SETX: variants seen among roughly 807,000 people sequenced by gnomAD.
SETX encodes helicase senataxin.
A neutral mutation model predicts 227.2 loss-of-function variants in SETX; 90 were observed. The ratio of observed to expected loss-of-function variants is 0.40; its 90% CI spans 0.33 to 0.47. SETX has a LOEUF of 0.47. Among genes scored for constraint, SETX ranks in the 20% least tolerant of loss-of-function variants. The probability of loss-of-function intolerance (pLI) is 0.91; values close to 1 mark genes in which losing one functional copy is unlikely to be tolerated. For synonymous variants in SETX, 1,210 were observed against 1,113.2 expected (o/e 1.09, Z -1.73); for missense variants, 3,052 against 3,181.5 (o/e 0.96, Z 0.98).
chr9:132,273,491 C>T (rs1474307722), intron 23 of SETX, among the ~76,000 whole-genome samples: 1 of 152,196 alleles, frequency 6.6e-6, no homozygotes, highest in Admixed American at 6.5e-5. Flanking sequence ...TTCCTTTCAA[C>T]AACGTTTTGC....
chr9:132,316,200 C>T (rs1218714019), intron 10 of SETX, among the ~76,000 whole-genome samples: 1 of 152,186 alleles, frequency 6.6e-6, no homozygotes, highest in Non-Finnish European at 1.5e-5. Context: ...TTTTGCTCAC[C>T]TGTTATTTTA....
Position 132,300,822 on chromosome 9 carries a change from T to C in SETX, c.5375-19A>G, listed in dbSNP as rs753849812. 3.1e-6 allele frequency: 5 copies of C among 1,604,432 alleles called. No homozygotes were observed. The African/African-American group carries it at 6.7e-5, about 22-fold the overall frequency. On this transcript the variant is annotated intron_variant, in intron 11 of 25. Transcript: ENST00000224140. ...AGATAAACTATGAAACAAGAAGAAG[T>C]CGGAATTCATATAACTCTAATAGAA...
intron 25 of SETX, among the ~76,000 whole-genome samples, chr9:132,267,685 A>G (rs1842713464): frequency 6.6e-6 from 1 of 152,246 alleles, no homozygotes; most frequent in African/African-American, 2.4e-5. Context: ...TGTCGGTGCC[A>G]TTAGCTGGAG....
intron 15 of SETX, among the ~76,000 whole-genome samples, chr9:132,289,618 AT>A (rs1844164047): frequency 1.3e-5 from 2 of 152,304 alleles, no homozygotes; most frequent in African/African-American, 4.8e-5. Context: ...TTATATATTA[AT>A]ATGTAATTTT....
intron 10 of SETX, among the ~76,000 whole-genome samples, chr9:132,317,354 A>C (rs1454484218): frequency 6.6e-6 from 1 of 152,130 alleles, no homozygotes; most frequent in African/African-American, 2.4e-5. Flanking sequence ...TCCTCCAATT[A>C]TTTCATTGCT....
rs111270361 is a variant in SETX, at chr9:132,326,654, T to C, written c.4944A>G (p.Pro1648=). Residue 1648 remains proline (P), a synonymous_variant, in exon 10 of 26, where the codon CCA becomes CCG. Transcript: ENST00000224140. The stretch of plus-strand genomic sequence containing the variant: ...TGCACGAATTCTTCATTTCACCAAC[T>C]GGCTTCTGAGCTATGAGGGGAACTG... ...PQPVPLIAQK[P]VGEMKNSCNV... 2 of 1,614,092 alleles carry C rather than the reference T, an allele frequency of 1.2e-6. No individual in the cohort carries two copies. Among genetic ancestry groups the C allele is most frequent in the Admixed American group, 3.3e-5 (2 of 60,020 alleles).
At chr9:132,265,033 G>A (rs752044919) in intron 25 of SETX, 48 bp from the exon 26 acceptor site, 26 of 1,595,958 alleles carry the variant, frequency 1.6e-5, no homozygotes, top group Non-Finnish European at 2.0e-5. Context: ...AAGAGACACT[G>A]CTTGGGAAGC....
In SETX at chr9:132,323,656, C is replaced by CT. The variant is rs1254106485; in HGVS notation, c.5274+2667dup. Among the ~76,000 whole-genome samples the CT allele has an allele frequency of 3.9e-5, 6 of 152,280 alleles. No homozygotes were observed. In the South Asian group the frequency reaches 1.2e-3, roughly 32 times the overall value. On this transcript the variant is annotated intron_variant, in intron 10 of 25. Transcript: ENST00000224140. ...ATGGCTCACGCCTGTAATCGTAGCA[C>CT]TTTGAGAGGCAAAGGCAGGTGGATC...
chr9:132,333,749 C>T (rs1589755375), intron 7 of SETX, among the ~76,000 whole-genome samples: 2 of 152,178 alleles, frequency 1.3e-5, no homozygotes, highest in East Asian at 3.9e-4. Flanking sequence ...ATTATCTAGA[C>T]TATCTGGAGC....
At chr9:132,314,641 C>G (rs993240555) in intron 10 of SETX, among the ~76,000 whole-genome samples, 3 of 152,152 alleles carry the variant, frequency 2.0e-5, no homozygotes, top group Admixed American at 6.5e-5. Flanking sequence ...CGACAGATAT[C>G]CAGTTAGGCC....
At chr9:132,274,726 G>T (rs1426519747) in intron 23 of SETX, among the ~76,000 whole-genome samples, 2 of 152,014 alleles carry the variant, frequency 1.3e-5, no homozygotes, top group Non-Finnish European at 2.9e-5. Context: ...GATTACAGGT[G>T]TGAGCCACCA....
chr9:132,305,418 T>C (rs7036349), intron 11 of SETX, among the ~76,000 whole-genome samples: 1 of 147,824 alleles, frequency 6.8e-6, no homozygotes, highest in Non-Finnish European at 1.5e-5. Context: ...TTAAAAAAAA[T>C]TTTTTTTTAA....
chr9:132,342,793 A>G lies in SETX; in HGVS notation c.395T>C (p.Leu132Ser). ...CATCCGACAAAGTGCTTCAACACAT[A>G]ACTCGTCTAAAAAGAAAAAAATAAG... ...YLLLHERVNE[L>S]CVEALCRMEQ... Residue 132 changes from leucine to serine, a missense_variant, in exon 5 of 26, where the codon TTA (leucine) becomes TCA (serine). Leu to Ser is a moderately radical substitution (Grantham distance 145). Around this residue, in one of 10 missense-constraint regions of SETX, gnomAD observed 10 missense variants for 31.4 expected, o/e 0.32. Transcript: ENST00000224140. 1 of 1,612,188 alleles carries G rather than the reference A, an allele frequency of 6.2e-7. No homozygotes were observed. Among genetic ancestry groups the G allele is most frequent in the Non-Finnish European group, 8.5e-7 (1 of 1,178,582 alleles).
upstream of SETX, chr9:132,355,042 C>T (rs890602239): frequency 6.6e-6 from 1 of 152,244 alleles, no homozygotes; most frequent in Admixed American, 6.5e-5. Context: ...GGCCCCGCCC[C>T]CGCGCTGAGT....
At chr9:132,269,569 C>T (rs1842798474) in intron 25 of SETX, 46 bp downstream of exon 25, 1 of 1,611,496 alleles carries the variant, frequency 6.2e-7, no homozygotes, top group Non-Finnish European at 8.5e-7. Flanking sequence ...AAACTCAATC[C>T]AACAACAGTA....
chr9:132,331,194 G>T (rs1252947997), intron 8 of SETX, 55 bp from the exon 9 acceptor site: 8 of 1,606,400 alleles, frequency 5.0e-6, no homozygotes, highest in Admixed American at 1.7e-5. Flanking sequence ...AAAAAAGGAA[G>T]AAACACCTCT....
chr9:132,321,005 T>G lies in SETX; in HGVS notation c.5274+5319A>C, dbSNP rs190088456. On this transcript the variant is annotated intron_variant, in intron 10 of 25. Transcript: ENST00000224140. ...GCAAAAAATGACAAGAGATTTTGTC[T>G]CTAGAGAGGATAAGCAGTCTCTGAC... Among the ~76,000 whole-genome samples, 3 of 151,898 alleles carry G rather than the reference T, an allele frequency of 2.0e-5. No individual in the cohort carries two copies. The East Asian group carries it at 5.8e-4, about 29-fold the overall frequency.
rs1338404955 is a variant in SETX at position 132,324,714 on chromosome 9, G to T, written c.5274+1610C>A. ...GTTCACCACTTTATCTCCCATGCTT[G>T]TAAGAGCACTTGGCACATACTAGGC... is the stretch of plus-strand genomic sequence containing the variant. On this transcript the variant is annotated intron_variant, in intron 10 of 25. Coordinates refer to ENST00000224140, the MANE Select transcript of SETX (RefSeq NM_015046.7). Among the ~76,000 whole-genome samples, 3 of 152,268 alleles carry T rather than the reference G, an allele frequency of 2.0e-5. No homozygotes were observed. In the East Asian group the frequency reaches 5.8e-4, roughly 29 times the overall value.
intron 25 of SETX, among the ~76,000 whole-genome samples, chr9:132,267,288 G>A (rs1242487270): frequency 1.3e-5 from 2 of 152,216 alleles, no homozygotes; most frequent in Non-Finnish European, 2.9e-5. Context: ...GCCAGGCTCT[G>A]GGGGCTCAGT....
Sources: allele counts gnomAD v4.1 joint callset (sites outside exome capture counted in the v4.1 genomes callset), GRCh38; gene constraint gnomAD v4.1.1; regional missense constraint gnomAD v4.1.1; transcripts MANE v1.5; gene names NCBI Gene and HGNC (gene_info 2026-07-23, HGNC 2026-07-21).